The following SMYD3 variants were observed in gnomAD, a reference collection of about 807,000 sequenced individuals.
The protein encoded by SMYD3 is histone-lysine N-methyltransferase SMYD3.
Under a neutral mutation model 57.7 loss-of-function variants are expected in SMYD3, and 36 were observed. The observed-to-expected ratio is 0.62, with a 90% CI of 0.48 to 0.82. The LOEUF is 0.82. Among genes scored for constraint, SMYD3 ranks in the 40% least tolerant of loss-of-function variants. The pLI is 0.00. For synonymous variants in SMYD3, 211 were observed against 195.0 expected, an observed-to-expected ratio of 1.08 and a Z score of -0.68; for missense variants, 515 against 538.8, an observed-to-expected ratio of 0.96 and a Z score of 0.44.
At chr1:246,330,980 C>G (rs1338340669) in intron 3 of SMYD3, among the ~76,000 whole-genome samples, 1 of 152,012 alleles carries the variant, frequency 6.6e-6, no homozygotes, top group East Asian at 1.9e-4. Flanking sequence ...AAAAAACATA[C>G]AAAAATTAGC....
intron 2 of SMYD3, among the ~76,000 whole-genome samples, chr1:246,353,521 T>C (rs1450153878): frequency 1.3e-5 from 2 of 152,110 alleles, no homozygotes; most frequent in African/African-American, 2.4e-5. Flanking sequence ...AAAGCAAGAC[T>C]GTCCCCAAAT....
At chr1:246,299,489 T>A (rs4654236) in intron 5 of SMYD3, among the ~76,000 whole-genome samples, 1 of 151,912 alleles carries the variant, frequency 6.6e-6, no homozygotes, top group East Asian at 1.9e-4. Flanking sequence ...ATCCCATTAC[T>A]GACACATACC....
intron 1 of SMYD3, among the ~76,000 whole-genome samples, chr1:246,383,672 C>CTTCCA (rs2066425414): frequency 6.6e-6 from 1 of 152,130 alleles, no homozygotes; most frequent in Non-Finnish European, 1.5e-5. Context: ...ATCAAAATAT[C>CTTCCA]AAGATGGGGT....
intron 5 of SMYD3, among the ~76,000 whole-genome samples, chr1:246,253,220 C>A (rs1332884357): frequency 3.9e-5 from 6 of 152,132 alleles, no homozygotes; most frequent in Admixed American, 2.0e-4. Context: ...GAGCCCATCA[C>A]CCAGGTAGTG....
intron 5 of SMYD3, among the ~76,000 whole-genome samples, chr1:246,005,636 G>A (rs1015530121): frequency 6.6e-6 from 1 of 152,192 alleles, no homozygotes; most frequent in Non-Finnish European, 1.5e-5. Flanking sequence ...AGTCATATGG[G>A]CATAGTTTAA....
At chr1:245,909,005 T>C (rs1456246368) in intron 8 of SMYD3, among the ~76,000 whole-genome samples, 2 of 151,158 alleles carry the variant, frequency 1.3e-5, no homozygotes, top group African/African-American at 4.9e-5. Context: ...AACAATACAA[T>C]ACAAAAGATC....
intron 8 of SMYD3, among the ~76,000 whole-genome samples, chr1:245,888,622 G>A (rs999230061): frequency 2.6e-5 from 4 of 152,162 alleles, no homozygotes; most frequent in African/African-American, 9.7e-5. Flanking sequence ...GATGCCTAAT[G>A]TTTCTTCTAG....
At chr1:246,234,738 T>C (rs1394906381) in intron 5 of SMYD3, among the ~76,000 whole-genome samples, 2 of 152,218 alleles carry the variant, frequency 1.3e-5, no homozygotes, top group Admixed American at 6.5e-5. Flanking sequence ...TAACAAACCA[T>C]GGTGCACTGT....
intron 5 of SMYD3, among the ~76,000 whole-genome samples, chr1:246,142,576 G>A (rs899018396): frequency 6.6e-6 from 1 of 152,154 alleles, no homozygotes; most frequent in African/African-American, 2.4e-5. Context: ...TCGTGTATAC[G>A]CATGGATACG....
chr1:246,310,452 G>A (rs942098015), intron 5 of SMYD3, among the ~76,000 whole-genome samples: 5 of 152,160 alleles, frequency 3.3e-5, no homozygotes, highest in African/African-American at 4.8e-5. Context: ...AATGGAAGTT[G>A]CTGCCCTTTC....
intron 1 of SMYD3, among the ~76,000 whole-genome samples, chr1:246,497,298 T>A (rs984914068): frequency 2.0e-5 from 3 of 152,244 alleles, no homozygotes; most frequent in Non-Finnish European, 4.4e-5. Flanking sequence ...GAGTTTTATA[T>A]AGATATTTAT....
At chr1:245,859,829 C>T (rs1340000611) in intron 9 of SMYD3, among the ~76,000 whole-genome samples, 1 of 152,200 alleles carries the variant, frequency 6.6e-6, no homozygotes, top group East Asian at 1.9e-4. Flanking sequence ...AGATTCAGAT[C>T]TAATCGAGTC....
At chr1:245,776,197 CTTAA>C (rs1453167717) in intron 10 of SMYD3, among the ~76,000 whole-genome samples, 7 of 152,076 alleles carry the variant, frequency 4.6e-5, no homozygotes, top group African/African-American at 7.2e-5. Context: ...TTTTAAAAGT[CTTAA>C]TTAAGACTTT....
At chr1:245,791,393 G>A (rs1362851635) in intron 10 of SMYD3, among the ~76,000 whole-genome samples, 1 of 152,164 alleles carries the variant, frequency 6.6e-6, no homozygotes, top group Non-Finnish European at 1.5e-5. Context: ...CTAACACCAT[G>A]AGGATAAATT....
At chr1:246,485,617 C>A (rs1308369532) in intron 1 of SMYD3, among the ~76,000 whole-genome samples, 1 of 148,162 alleles carries the variant, frequency 6.7e-6, no homozygotes, top group African/African-American at 2.5e-5. Context: ...CCCCCCCCCA[C>A]ATCTCTACAA....
chr1:246,108,898 C>T (rs2061178535), intron 5 of SMYD3, among the ~76,000 whole-genome samples: 1 of 152,208 alleles, frequency 6.6e-6, no homozygotes, highest in South Asian at 2.1e-4. Flanking sequence ...GTCCTTTCCC[C>T]TCCTCCTGTT....
intron 5 of SMYD3, among the ~76,000 whole-genome samples, chr1:245,961,963 C>T (rs768578819): frequency 8.5e-5 from 13 of 152,132 alleles, no homozygotes; most frequent in Non-Finnish European, 1.9e-4. Flanking sequence ...CTGATTTCCA[C>T]GGTAACCCTG....
At chr1:246,108,927 T>C (rs2061179090) in intron 5 of SMYD3, among the ~76,000 whole-genome samples, 1 of 152,220 alleles carries the variant, frequency 6.6e-6, no homozygotes, top group Non-Finnish European at 1.5e-5. Context: ...CAATTCTTTC[T>C]CTTCCTTCTA....
chr1:245,884,833 T>A (rs1199829019), intron 8 of SMYD3, among the ~76,000 whole-genome samples: 1 of 151,718 alleles, frequency 6.6e-6, no homozygotes, highest in Non-Finnish European at 1.5e-5. Context: ...ATCAGCTCTC[T>A]GTAAAATGGC....
Sources: gnomAD v4.1 joint callset for allele counts (sites outside exome capture counted in the v4.1 genomes callset) on GRCh38, gnomAD v4.1.1 for gene constraint, MANE v1.5 for transcripts, NCBI Gene and HGNC (gene_info 2026-07-23, HGNC 2026-07-21) for gene names.